Variants in C4orf51 observed in about 807,000 individuals in gnomAD.
The protein encoded by C4orf51 is chromosome 4 open reading frame 51, also known as uncharacterized protein C4orf51.
In C4orf51, 25 loss-of-function variants were observed where a neutral mutation model predicts 25.2. That is an observed-to-expected ratio of 0.99 (90% CI 0.72 to 1.39). The LOEUF is 1.39. C4orf51 is among the 40% of genes most tolerant of loss of function. C4orf51 has a pLI of 0.00. For synonymous variants in C4orf51, 100 were observed against 84.5 expected (o/e 1.18, Z -1.01); for missense variants, 252 against 239.6 (o/e 1.05, Z -0.34).
At chr4:145,780,864 A>G in the C4orf51 span, among the ~76,000 whole-genome samples, 1 of 152,248 alleles carries the variant, frequency 6.6e-6, no homozygotes, top group Non-Finnish European at 1.5e-5. Context: ...ATGTGGTGAT[A>G]ATTGAATGGT....
At chr4:145,734,135 G>A (rs148595441), downstream of C4orf51, among the ~76,000 whole-genome samples, 133 of 152,268 alleles carry the variant, frequency 8.7e-4, no homozygotes, top group African/African-American at 3.1e-3. Flanking sequence ...TGGTATGGTG[G>A]GGTCTACACC....
At chr4:145,723,069 A>G (rs1005108262) in intron 2 of C4orf51, among the ~76,000 whole-genome samples, 3 of 152,266 alleles carry the variant, frequency 2.0e-5, no homozygotes, top group South Asian at 2.1e-4. Flanking sequence ...TGCACAATAA[A>G]TATAATGTGC....
At chr4:145,748,548 C>T (rs1733504605) in intron 1 of C4orf51, among the ~76,000 whole-genome samples, 1 of 152,052 alleles carries the variant, frequency 6.6e-6, no homozygotes, top group Non-Finnish European at 1.5e-5. Flanking sequence ...CCTGCTTTTG[C>T]TGTATCCCAT....
In C4orf51 at chr4:145,763,653, T is replaced by C. The variant is rs1251786056; in HGVS notation, n.167-7335T>C. Among the ~76,000 whole-genome samples the C allele has an allele frequency of 6.6e-6, 1 of 152,198 alleles. No individual in the cohort carries two copies. The highest frequency in any genetic ancestry group is 1.5e-5 in the Non-Finnish European group (1 of 68,038). On this transcript the variant is annotated intron_variant and non_coding_transcript_variant, in intron 1 of 1. Coordinates refer to the C4orf51 transcript ENST00000510096. The surrounding 1 kb of genome is among the most constrained non-coding windows in gnomAD (Gnocchi z 4.6). ...ATGTTCATGGGTGTGACTGGGCTAC[T>C]GGGAAGGGCAGTGAGCACTGGTCCA...
the C4orf51 span, among the ~76,000 whole-genome samples, chr4:145,783,900 G>A: frequency 6.6e-6 from 1 of 152,170 alleles, no homozygotes; most frequent in African/African-American, 2.4e-5. Flanking sequence ...ATTGGAGGTG[G>A]GGCCTTGTGG....
intron 2 of C4orf51, among the ~76,000 whole-genome samples, chr4:145,706,229 T>C (rs1374332233): frequency 1.3e-5 from 2 of 152,256 alleles, no homozygotes; most frequent in Non-Finnish European, 2.9e-5. Flanking sequence ...AGTCTTATTA[T>C]ACTTGGCGTG....
chr4:145,745,066 T>G (rs979094188), intron 1 of C4orf51, among the ~76,000 whole-genome samples: 1 of 152,190 alleles, frequency 6.6e-6, no homozygotes, highest in Admixed American at 6.5e-5. Context: ...AATGAAAAAT[T>G]TTGTCTTTAA....
At chr4:145,729,790 A>C (rs1417651300) in intron 4 of C4orf51, 102 bp from the exon 5 acceptor site, 6 of 916,614 alleles carry the variant, frequency 6.5e-6, no homozygotes, top group African/African-American at 1.6e-5. Context: ...GAAGGTTTGG[A>C]TCTATTGATT....
intron 1 of C4orf51, chr4:145,759,547 G>C (rs1332363448): frequency 6.6e-6 from 1 of 152,220 alleles, no homozygotes; most frequent in Non-Finnish European, 1.5e-5. Context: ...ATGGAAACTT[G>C]TCAGGGGCAT....
chr4:145,782,834 G>A, the C4orf51 span, among the ~76,000 whole-genome samples: 6 of 152,158 alleles, frequency 3.9e-5, no homozygotes, highest in Admixed American at 3.9e-4. Flanking sequence ...CCTTTTAAGT[G>A]TCATTGCTTT....
At chr4:145,695,269 A>C (rs1729974327) in intron 1 of C4orf51, among the ~76,000 whole-genome samples, 1 of 152,176 alleles carries the variant, frequency 6.6e-6, no homozygotes, top group African/African-American at 2.4e-5. Context: ...ACTTTTTAAT[A>C]ATAGCCATTC....
At chr4:145,701,945 T>C (rs1401060671) in intron 2 of C4orf51, among the ~76,000 whole-genome samples, 1 of 152,040 alleles carries the variant, frequency 6.6e-6, no homozygotes, top group Non-Finnish European at 1.5e-5. Context: ...CAAAGCCTCC[T>C]TCGCGTCTTC....
At chr4:145,690,542 C>G (rs774147930) in intron 1 of C4orf51, among the ~76,000 whole-genome samples, 2 of 151,906 alleles carry the variant, frequency 1.3e-5, no homozygotes, top group African/African-American at 2.4e-5. Context: ...AAGAAAACAC[C>G]TAGGTAACAC....
At chr4:145,703,175 A>G (rs1730570182) in intron 2 of C4orf51, among the ~76,000 whole-genome samples, 1 of 150,752 alleles carries the variant, frequency 6.6e-6, no homozygotes, top group South Asian at 2.1e-4. Context: ...GCCCCACCTT[A>G]ACTGATGACA....
At chr4:145,710,505 G>A (rs1241479145) in intron 2 of C4orf51, among the ~76,000 whole-genome samples, 3 of 152,150 alleles carry the variant, frequency 2.0e-5, no homozygotes, top group Non-Finnish European at 4.4e-5. Context: ...GTGTGTACTG[G>A]ATTGTACACA....
Position 145,732,501 on chromosome 4 carries a change from T to C in C4orf51, c.550T>C (p.Ser184Pro). 1 of 1,611,560 alleles carries C rather than the reference T, an allele frequency of 6.2e-7. No homozygotes were observed. Among genetic ancestry groups the C allele is most frequent in the Non-Finnish European group, 8.5e-7 (1 of 1,179,042 alleles). ...AAGCAAGGTTTGCTCATCTGAGGATTCAGAAGCTGATCGATACTCCGATTA... is the reference window on the plus strand; with the variant it reads ...AAGCAAGGTTTGCTCATCTGAGGATCCAGAAGCTGATCGATACTCCGATTA... ...SESKVCSSED[S>P]EADRYSDYGW... Residue 184 changes from serine (S) to proline (P), a missense_variant, in exon 6 of 6, where the codon TCA (serine) becomes CCA (proline). By Grantham distance (74) the Ser-to-Pro change is moderately conservative. Coordinates refer to ENST00000438731, the MANE Select transcript of C4orf51 (RefSeq NM_001080531.3).
chr4:145,741,759 TC>T (rs1417133445), intron 1 of C4orf51, among the ~76,000 whole-genome samples: 1 of 151,986 alleles, frequency 6.6e-6, no homozygotes, highest in Non-Finnish European at 1.5e-5. Flanking sequence ...GTGCAGTGGC[TC>T]GATCTCAGCT....
intron 1 of C4orf51, among the ~76,000 whole-genome samples, chr4:145,741,451 G>T (rs1246191869): frequency 4.6e-5 from 7 of 152,058 alleles, no homozygotes; most frequent in Non-Finnish European, 1.0e-4. Flanking sequence ...AACTGGTCCT[G>T]GTGGGCAGCA....
chr4:145,786,813 T>C, the C4orf51 span, among the ~76,000 whole-genome samples: 1 of 152,202 alleles, frequency 6.6e-6, no homozygotes, highest in Non-Finnish European at 1.5e-5. Flanking sequence ...CTGTATCCCT[T>C]TTTAATTTTT....
Sources: allele counts gnomAD v4.1 joint callset (sites outside exome capture counted in the v4.1 genomes callset), GRCh38; gene constraint gnomAD v4.1.1; non-coding constraint Gnocchi (gnomAD v3.1); transcripts MANE v1.5; gene names NCBI Gene and HGNC (gene_info 2026-07-23, HGNC 2026-07-21).